The following OR2M3 variants were observed in gnomAD, a reference collection of about 807,000 sequenced individuals.
The protein encoded by OR2M3 is olfactory receptor 2M3.
A neutral mutation model predicts 4.3 loss-of-function variants in OR2M3; 1 was observed. The ratio of observed to expected loss-of-function variants is 0.23; its 90% CI spans 0.08 to 1.11. OR2M3 has a LOEUF of 1.11. Among genes scored for constraint, OR2M3 ranks in the 50% most tolerant of loss-of-function variants. The pLI is 0.54. For missense variants in OR2M3, 410 were observed against 390.4 expected, an observed-to-expected ratio of 1.05 and a Z score of -0.42; for synonymous variants, 151 against 139.4, an observed-to-expected ratio of 1.08 and a Z score of -0.59.
intron 1 of OR2M3, among the ~76,000 whole-genome samples, chr1:248,199,803 CAATG>C (rs991395677): frequency 6.6e-6 from 1 of 151,944 alleles, no homozygotes; most frequent in Non-Finnish European, 1.5e-5. Context: ...AGGGCAAACT[CAATG>C]AAGACAATTT....
In OR2M3 at chr1:248,206,817, C is replaced by T. The variant is rs754839270; in HGVS notation, c.*2811C>T. The T allele has an allele frequency of 4.0e-5, 6 of 151,884 alleles. No individual in the cohort carries two copies. The highest frequency in any genetic ancestry group is 7.3e-5 in the African/African-American group (3 of 41,374). 9.4% of individuals were successfully genotyped at this position (151,884 alleles called of 1,614,324 possible). On this transcript the variant is annotated 3_prime_UTR_variant, in exon 2 of 2. Coordinates refer to ENST00000641626, the MANE Select transcript of OR2M3 (RefSeq NM_001004689.2). ...TTCACTGGTTTTGGTATTAGGGTGA[C>T]AGTGGCTCCACAGAATGATTTACAA... is the stretch of plus-strand genomic sequence containing the variant.
chr1:248,203,971 A>G lies in OR2M3; in HGVS notation c.904A>G (p.Met302Val), dbSNP rs1271758877. 6.2e-7 allele frequency: 1 copy of G among 1,613,824 alleles called. No homozygotes were observed. The highest frequency in any genetic ancestry group is 1.3e-5 in the African/African-American group (1 of 74,906). ...CAACAAGGAGGTGACCAGAGCATTC[A>G]TGAAGATCTTAGGAAAGGGCAAGTC... ...LRNKEVTRAF[M>V]KILGKGKSGE Residue 302 changes from methionine to valine, a missense_variant, in exon 2 of 2, where the codon ATG becomes GTG. Met to Val is a conservative substitution (Grantham distance 21, BLOSUM62 1). Transcript: ENST00000641626.
At chr1:248,201,109 A>G (rs1666152082) in intron 1 of OR2M3, among the ~76,000 whole-genome samples, 2 of 152,298 alleles carry the variant, frequency 1.3e-5, no homozygotes, top group East Asian at 1.9e-4. Flanking sequence ...CTTTGCTCAT[A>G]CATTTATAAT....
chr1:248,199,521 C>T (rs1572790093), intron 1 of OR2M3, among the ~76,000 whole-genome samples: 1 of 152,106 alleles, frequency 6.6e-6, no homozygotes, highest in Non-Finnish European at 1.5e-5. Context: ...TTGTTTATAT[C>T]CTGGATAACT....
Position 248,204,117 on chromosome 1 carries a change from G to A in OR2M3, c.*111G>A, listed in dbSNP as rs1666198529. On this transcript the variant is annotated 3_prime_UTR_variant, in exon 2 of 2. Coordinates refer to ENST00000641626, the MANE Select transcript of OR2M3 (RefSeq NM_001004689.2). ...TTCATTGTGTACATAAATCTGCAAT[G>A]ACATATTTATGTGCACCTATATAAT... 3.3e-6 allele frequency: 3 copies of A among 921,808 alleles called. No individual in the cohort carries two copies. The highest frequency in any genetic ancestry group is 5.0e-6 in the Non-Finnish European group (3 of 595,390). The allele number at this position is 921,808 out of a possible 1,614,324, so 57.1% of individuals were successfully genotyped here. A position where few individuals can be genotyped will look rare whatever the true frequency, so the allele number is the denominator to read the frequency against.
In OR2M3 at chr1:248,206,419, T is replaced by C. The variant is rs1666224610; in HGVS notation, c.*2413T>C. On this transcript the variant is annotated 3_prime_UTR_variant, in exon 2 of 2. Transcript: ENST00000641626. ...GCTTTCCAATTTTCCCCTTTCAGTA[T>C]AATGTTTGCTGTGGATTTCTCATAG... 6.6e-6 allele frequency: 1 copy of C among 152,102 alleles called. No individual in the cohort carries two copies. The highest frequency in any genetic ancestry group is 2.1e-4 in the South Asian group (1 of 4,834). The allele number at this position is 152,102 out of a possible 1,614,324, so 9.4% of individuals were successfully genotyped here. A position where few individuals can be genotyped will look rare whatever the true frequency, so the allele number is the denominator to read the frequency against.
intron 1 of OR2M3, among the ~76,000 whole-genome samples, chr1:248,202,607 T>C (rs933875246): frequency 1.3e-5 from 2 of 152,176 alleles, no homozygotes; most frequent in Non-Finnish European, 2.9e-5. Context: ...TTAACACTCC[T>C]AGTAAAAATG....
rs969274229 is a variant in OR2M3, at chr1:248,203,528, C to T, written c.461C>T (p.Thr154Met). 1.9e-5 allele frequency: 31 copies of T among 1,613,624 alleles called. No homozygotes were observed. Among genetic ancestry groups the T allele is most frequent in the African/African-American group, 2.7e-5 (2 of 74,828 alleles). ...MTAFSWILGS[T>M]DGIIDVVATF... ...GCCTTTTCCTGGATCCTGGGCTCTA[C>T]GGATGGAATTATTGATGTTGTAGCA... is the stretch of plus-strand genomic sequence containing the variant. Residue 154 changes from threonine (T) to methionine (M), a missense_variant, in exon 2 of 2, where the codon ACG becomes ATG. Coordinates refer to ENST00000641626, the MANE Select transcript of OR2M3 (RefSeq NM_001004689.2).
rs888935229 is a variant in OR2M3 at position 248,211,272 on chromosome 1, T to G, written c.*7266T>G. On this transcript the variant is annotated 3_prime_UTR_variant, in exon 2 of 2. Transcript: ENST00000641626. The stretch of plus-strand genomic sequence containing the variant: ...TCTAATTACTTCCATCACAAAAAGT[T>G]AACTTTTATTATGGGATCCCAGATC... 1 of 152,160 alleles carries G rather than the reference T, an allele frequency of 6.6e-6. No homozygotes were observed. Among genetic ancestry groups the G allele is most frequent in the African/African-American group, 2.4e-5 (1 of 41,438 alleles). The allele number at this position is 152,160 out of a possible 1,614,324, so 9.4% of individuals were successfully genotyped here.
Position 248,204,318 on chromosome 1 carries a change from T to A in OR2M3, c.*312T>A. On this transcript the variant is annotated 3_prime_UTR_variant, in exon 2 of 2. Coordinates refer to ENST00000641626, the MANE Select transcript of OR2M3 (RefSeq NM_001004689.2). ...ATGAATAAGTTCTTTAGTGATGATTTCTGAGATTTTGGTGCACCCATCACC... is the reference window on the plus strand; with the variant it reads ...ATGAATAAGTTCTTTAGTGATGATTACTGAGATTTTGGTGCACCCATCACC... 1.4e-5 allele frequency: 3 copies of A among 218,090 alleles called. No homozygotes were observed. Among genetic ancestry groups the A allele is most frequent in the South Asian group, 1.5e-4 (2 of 12,908 alleles). 13.5% of individuals were successfully genotyped at this position (218,090 alleles called of 1,614,324 possible).
chr1:248,197,902 A>G (rs573299801), intron 1 of OR2M3, among the ~76,000 whole-genome samples: 1 of 152,136 alleles, frequency 6.6e-6, no homozygotes, highest in South Asian at 2.1e-4. Flanking sequence ...TTTTTTCCTT[A>G]CACTTGGTTC....
At position 248,203,656 on chromosome 1, in the gene OR2M3, A is replaced by G. The variant is rs1324421131; in HGVS notation, c.589A>G (p.Lys197Glu). 2.5e-6 allele frequency: 4 copies of G among 1,613,730 alleles called. No individual in the cohort carries two copies. Among genetic ancestry groups the G allele is most frequent in the Non-Finnish European group, 3.4e-6 (4 of 1,179,822 alleles). Reference protein sequence around the residue: ...LSCSDTSIFEKILFICCIVMI... With the variant: ...LSCSDTSIFEEILFICCIVMI... Reference sequence around the variant, plus strand: ...ATGCAGTGACACATCAATATTTGAAAAGATTCTTTTCATCTGCTGTATAGT... The same window carrying G: ...ATGCAGTGACACATCAATATTTGAAGAGATTCTTTTCATCTGCTGTATAGT... Residue 197 changes from lysine (K) to glutamate (E), a missense_variant, in exon 2 of 2, where the codon AAG becomes GAG. Lys to Glu is a moderately conservative substitution (Grantham distance 56). Transcript: ENST00000641626.
rs139852822 is a variant in OR2M3, at chr1:248,203,088, C to T, written c.21C>T (p.Thr7=). MARENS[T]FNSDFILLGI... is the part of the protein sequence containing the mutation. ...ACATCATGGCAAGGGAGAATTCGAC[C>T]TTCAACTCCGACTTCATCCTCCTGG... The change falls in exon 2 of 2, where the codon ACC becomes ACT. Residue 7 remains threonine, a synonymous_variant. Transcript: ENST00000641626. 142 of 1,613,418 alleles carry T rather than the reference C, an allele frequency of 8.8e-5. No homozygotes were observed. The African/African-American group carries it at 1.6e-3, about 18-fold the overall frequency.
chr1:248,198,944 T>G (rs1228967457), intron 1 of OR2M3, among the ~76,000 whole-genome samples: 1 of 152,102 alleles, frequency 6.6e-6, no homozygotes, highest in Non-Finnish European at 1.5e-5. Flanking sequence ...AATGTCACAG[T>G]GTCATGAAAT....
In OR2M3 at chr1:248,206,570, A is replaced by T. The variant is rs1366246881; in HGVS notation, c.*2564A>T. 1 of 151,810 alleles carries T rather than the reference A, an allele frequency of 6.6e-6. No homozygotes were observed. The highest frequency in any genetic ancestry group is 2.4e-5 in the African/African-American group (1 of 41,338). 9.4% of individuals were successfully genotyped at this position (151,810 alleles called of 1,614,324 possible). A position where few individuals can be genotyped will look rare whatever the true frequency, so the allele number is the denominator to read the frequency against. On this transcript the variant is annotated 3_prime_UTR_variant, in exon 2 of 2. Coordinates refer to ENST00000641626, the MANE Select transcript of OR2M3 (RefSeq NM_001004689.2). ...CTCTGTCTATTGAGATGATCATGTGATTTTTGTTTTTAATTCTGTTTATGT... is the reference window on the plus strand; with the variant it reads ...CTCTGTCTATTGAGATGATCATGTGTTTTTTGTTTTTAATTCTGTTTATGT...
chr1:248,201,725 T>A (rs2103013554), intron 1 of OR2M3, among the ~76,000 whole-genome samples: 1 of 152,132 alleles, frequency 6.6e-6, no homozygotes, highest in East Asian at 1.9e-4. Context: ...GATAGTTTAC[T>A]GAGAATGATG....
rs1246860880 is a variant in OR2M3, at chr1:248,207,871, T to G, written c.*3865T>G. 2 of 152,124 alleles carry G rather than the reference T, an allele frequency of 1.3e-5. No homozygotes were observed. Among genetic ancestry groups the G allele is most frequent in the African/African-American group, 4.8e-5 (2 of 41,438 alleles). The allele number at this position is 152,124 out of a possible 1,614,324, so 9.4% of individuals were successfully genotyped here. A position where few individuals can be genotyped will look rare whatever the true frequency, so the allele number is the denominator to read the frequency against. On this transcript the variant is annotated 3_prime_UTR_variant, in exon 2 of 2. Transcript: ENST00000641626. Reference sequence around the variant, plus strand: ...GTGCATTGTTTCTTTTTTTACTTTCTGTCTTAAAGACCTGTCTAGTGCTCT... The same window carrying G: ...GTGCATTGTTTCTTTTTTTACTTTCGGTCTTAAAGACCTGTCTAGTGCTCT...
rs1237901142 is a variant in OR2M3, at chr1:248,204,358, TG to T, written c.*353del. ...CACCCATCACCCAAGCAGTATTCAC[TG>T]TACCCAATGTGTAGTCTTTTATCAC... On this transcript the variant is annotated 3_prime_UTR_variant, in exon 2 of 2. Transcript: ENST00000641626. 3 of 182,860 alleles carry T rather than the reference TG, an allele frequency of 1.6e-5. No homozygotes were observed. The highest frequency in any genetic ancestry group is 5.6e-5 in the Admixed American group (1 of 17,800). The allele number at this position is 182,860 out of a possible 1,614,324, so 11.3% of individuals were successfully genotyped here. A position where few individuals can be genotyped will look rare whatever the true frequency, so the allele number is the denominator to read the frequency against.
In OR2M3 at chr1:248,202,531, A is replaced by G. The variant is rs1038972608; in HGVS notation, c.-18-519A>G. On this transcript the variant is annotated intron_variant, in intron 1 of 1. Coordinates refer to ENST00000641626, the MANE Select transcript of OR2M3 (RefSeq NM_001004689.2). The stretch of plus-strand genomic sequence containing the variant: ...GAAAATCTTTTCAGTGTATCCAATT[A>G]CTGTATAGAAAACTTACTACAAAGT... Among the ~76,000 whole-genome samples, 8 of 152,184 alleles carry G rather than the reference A, an allele frequency of 5.3e-5. 1 individual carries two copies. Among genetic ancestry groups the G allele is most frequent in the Non-Finnish European group, 1.0e-4 (7 of 68,016 alleles).
Sources: gnomAD v4.1 joint callset for allele counts (sites outside exome capture counted in the v4.1 genomes callset) on GRCh38, gnomAD v4.1.1 for gene constraint, MANE v1.5 for transcripts, NCBI Gene and HGNC (gene_info 2026-07-23, HGNC 2026-07-21) for gene names.